The following RIOX2 variants were observed in gnomAD, a reference collection of about 807,000 sequenced individuals.
RIOX2 encodes 60S ribosomal protein L27a histidine hydroxylase.
Under a neutral mutation model 51.2 loss-of-function variants are expected in RIOX2, and 43 were observed. That is an observed-to-expected ratio of 0.84 (90% CI 0.66 to 1.08). The LOEUF (loss-of-function observed/expected upper bound fraction) is 1.08, where lower values mean the gene tolerates loss of function less well. RIOX2 is among the 50% of genes least tolerant of loss of function. The pLI, the probability that RIOX2 is intolerant of heterozygous loss-of-function variation, is 0.00. For synonymous variants in RIOX2, 226 were observed against 218.5 expected, an observed-to-expected ratio of 1.03 and a Z score of -0.30; for missense variants, 566 against 561.7, an observed-to-expected ratio of 1.01 and a Z score of -0.08.
At chr3:97,951,351 A>G (rs1705242429) in intron 5 of RIOX2, among the ~76,000 whole-genome samples, 1 of 152,340 alleles carries the variant, frequency 6.6e-6, no homozygotes, top group East Asian at 1.9e-4. Flanking sequence ...AATTATTTGA[A>G]CAGTTGTATG....
At chr3:97,954,335 G>T in intron 5 of RIOX2, 57 bp downstream of exon 5, 2 of 1,295,746 alleles carry the variant, frequency 1.5e-6, no homozygotes, top group South Asian at 1.2e-5. Context: ...GAATGTGGCT[G>T]CTGCAGGCCA....
intron 7 of RIOX2, 71 bp from the exon 8 acceptor site, chr3:97,947,520 T>G: frequency 1.8e-6 from 2 of 1,132,534 alleles, no homozygotes; most frequent in Non-Finnish European, 1.3e-6. Context: ...TGCTTATACA[T>G]ACACATAGGA....
At chr3:97,946,612 T>C (rs954553115) in intron 8 of RIOX2, among the ~76,000 whole-genome samples, 33 of 55,556 alleles carry the variant, frequency 5.9e-4, no homozygotes, top group Middle Eastern at 0.013. Context: ...ATATATCTAT[T>C]CATGTATATT....
intron 1 of RIOX2, chr3:97,971,984 C>A (rs551639179): frequency 6.6e-6 from 1 of 152,286 alleles, no homozygotes; most frequent in East Asian, 1.9e-4. Context: ...GCGCAGCCCA[C>A]GTGGAAGCCG....
At chr3:97,958,263 T>A (rs562433624) in intron 4 of RIOX2, among the ~76,000 whole-genome samples, 1 of 152,322 alleles carries the variant, frequency 6.6e-6, no homozygotes, top group Non-Finnish European at 1.5e-5. Flanking sequence ...GTTGGTAGAA[T>A]CTTTGGAATG....
At position 97,945,056 on chromosome 3, in the gene RIOX2, G is replaced by A; in HGVS notation, c.*128C>T. 1 of 745,846 alleles carries A rather than the reference G, an allele frequency of 1.3e-6. No homozygotes were observed. The allele number at this position is 745,846 out of a possible 1,614,324, so 46.2% of individuals were successfully genotyped here. ...TTGGCCAACTGACCACCTGTAACAG[G>A]GAGGTCTCATGTTTGTTAGTAGATA... On this transcript the variant is annotated 3_prime_UTR_variant, in exon 10 of 10. Coordinates refer to ENST00000394198, the MANE Select transcript of RIOX2 (RefSeq NM_153182.4).
chr3:97,949,748 C>T, intron 7 of RIOX2, 96 bp downstream of exon 7: 1 of 1,129,742 alleles, frequency 8.9e-7, no homozygotes, highest in Admixed American at 2.2e-5. Flanking sequence ...GAAAGCACTT[C>T]ATACTTTCCA....
intron 3 of RIOX2, 106 bp from the exon 4 acceptor site, chr3:97,959,285 G>GAT (rs1553714097): frequency 1.5e-5 from 13 of 838,734 alleles, no homozygotes; most frequent in Non-Finnish European, 2.2e-5. Context: ...CAAATATATA[G>GAT]GTGAACCTTG....
chr3:97,945,579 G>T, intron 9 of RIOX2: 1 of 607,752 alleles, frequency 1.6e-6, no homozygotes, highest in South Asian at 2.1e-5. Flanking sequence ...ATTCCTATAA[G>T]GCTACAGGTC....
intron 2 of RIOX2, 51 bp downstream of exon 2, chr3:97,967,111 A>G: frequency 6.4e-7 from 1 of 1,565,532 alleles, no homozygotes; most frequent in South Asian, 1.2e-5. Flanking sequence ...ATGTGGCCAA[A>G]TGTTAGTACT....
chr3:97,950,693 T>C lies in RIOX2; in HGVS notation c.888+93A>G, dbSNP rs1705208032. 4 of 958,086 alleles carry C rather than the reference T, an allele frequency of 4.2e-6. No homozygotes were observed. In the Admixed American group the frequency reaches 7.1e-5, roughly 17 times the overall value. 59.3% of individuals were successfully genotyped at this position (958,086 alleles called of 1,614,324 possible). ...GCACAGTAGACAAGCCTGGCTCATG[T>C]TGGAAGAAGTATCCTGGGGTCCTTA... On this transcript the variant is annotated intron_variant, in intron 6 of 9. Coordinates refer to ENST00000394198, the MANE Select transcript of RIOX2 (RefSeq NM_153182.4).
Position 97,967,177 on chromosome 3 carries a change from T to C in RIOX2, c.417A>G (p.Gln139=). ...DQKRATIQFH[Q]PQRFKDELWR... ...AACTGGTTACCTTAAATCTCTGAGGTTGGTGAAACTGAATCGTTGCCCTTT... is the reference window on the plus strand; with the variant it reads ...AACTGGTTACCTTAAATCTCTGAGGCTGGTGAAACTGAATCGTTGCCCTTT... Residue 139 remains glutamine, a synonymous_variant, in exon 2 of 10, where the codon CAA becomes CAG. Coordinates refer to ENST00000394198, the MANE Select transcript of RIOX2 (RefSeq NM_153182.4). 5 of 1,613,702 alleles carry C rather than the reference T, an allele frequency of 3.1e-6. No homozygotes were observed. The highest frequency in any genetic ancestry group is 4.2e-6 in the Non-Finnish European group (5 of 1,179,780).
Position 97,961,679 on chromosome 3 carries a change from C to A in RIOX2, c.462G>T (p.Leu154=). ...CAACCAAGGAGCCAAAGTAACATTCCAGCTTCTCCTGGATCCTCCAAAGCT... is the reference window on the plus strand; with the variant it reads ...CAACCAAGGAGCCAAAGTAACATTCAAGCTTCTCCTGGATCCTCCAAAGCT... ...KDELWRIQEK[L]ECYFGSLVGS... is the part of the protein sequence containing the mutation. Residue 154 remains leucine, a synonymous_variant, in exon 3 of 10, where the codon CTG becomes CTT. Coordinates refer to ENST00000394198, the MANE Select transcript of RIOX2 (RefSeq NM_153182.4). 1 of 1,611,994 alleles carries A rather than the reference C, an allele frequency of 6.2e-7. No homozygotes were observed. Among genetic ancestry groups the A allele is most frequent in the South Asian group, 1.1e-5 (1 of 90,700 alleles).
chr3:97,942,633 T>C lies in RIOX2; in HGVS notation c.*2551A>G, dbSNP rs2040257314. The C allele has an allele frequency of 1.9e-6, 1 of 531,922 alleles. No individual in the cohort carries two copies. Among genetic ancestry groups the C allele is most frequent in the Non-Finnish European group, 3.2e-6 (1 of 311,700 alleles). 33.0% of individuals were successfully genotyped at this position (531,922 alleles called of 1,614,324 possible). On this transcript the variant is annotated 3_prime_UTR_variant, in exon 10 of 10. Coordinates refer to ENST00000394198, the MANE Select transcript of RIOX2 (RefSeq NM_153182.4). ...AGCAGAAAAAGCCAAACAACAAAGC[T>C]TAGGGTTTTTGTTCATTAGTACAGT...
rs539223848 is a variant in RIOX2, at chr3:97,959,995, G to A, written c.553-816C>T. 5.9e-5 allele frequency among the ~76,000 whole-genome samples: 9 copies of A among 152,140 alleles called. No individual in the cohort carries two copies. In the East Asian group the frequency reaches 1.5e-3, roughly 26 times the overall value. On this transcript the variant is annotated intron_variant, in intron 3 of 9. Coordinates refer to ENST00000394198, the MANE Select transcript of RIOX2 (RefSeq NM_153182.4). ...TGCTACCTCCTGTTGCTATTGCCACGAGCTCAAGTGTGATGCTAATTATCT... is the reference window on the plus strand; with the variant it reads ...TGCTACCTCCTGTTGCTATTGCCACAAGCTCAAGTGTGATGCTAATTATCT...
chr3:97,949,940 T>C lies in RIOX2; in HGVS notation c.964A>G (p.Thr322Ala), dbSNP rs1292205860. 5.0e-6 allele frequency: 8 copies of C among 1,613,896 alleles called. No homozygotes were observed. In the South Asian group the frequency reaches 8.8e-5, roughly 18 times the overall value. Residue 322 changes from threonine (T) to alanine (A), a missense_variant, in exon 7 of 10, where the codon ACC (threonine) becomes GCC (alanine). Physicochemically the swap from Thr to Ala is moderately conservative, Grantham distance 58. Transcript: ENST00000394198. ...ATGTCTGAGGAAAGCAGTTCTTTGG[T>C]GCCCTCCAGCCGGTCTGCAAGTGTC... ...LRTLADRLEG[T>A]KELLSSDMKK... is the part of the protein sequence containing the mutation.
chr3:97,969,446 C>T (rs1008237131), intron 1 of RIOX2, among the ~76,000 whole-genome samples: 2 of 152,184 alleles, frequency 1.3e-5, no homozygotes, highest in African/African-American at 4.8e-5. Context: ...AGAAGACGTT[C>T]CATAGCAGGC....
intron 7 of RIOX2, among the ~76,000 whole-genome samples, chr3:97,948,574 A>G (rs1343825030): frequency 6.6e-6 from 1 of 152,014 alleles, no homozygotes; most frequent in African/African-American, 2.4e-5. Flanking sequence ...ACATCCCCCT[A>G]CTCTGGCTAA....
At chr3:97,956,192 C>T (rs1451274345) in intron 4 of RIOX2, among the ~76,000 whole-genome samples, 1 of 152,150 alleles carries the variant, frequency 6.6e-6, no homozygotes, top group African/African-American at 2.4e-5. Flanking sequence ...TTCATTATAA[C>T]CTTATGGGAC....
Sources: allele counts gnomAD v4.1 joint callset (sites outside exome capture counted in the v4.1 genomes callset), GRCh38; gene constraint gnomAD v4.1.1; transcripts MANE v1.5; gene names NCBI Gene and HGNC (gene_info 2026-07-23, HGNC 2026-07-21).